Variants in PLEKHD1 observed in about 807,000 individuals in gnomAD.
PLEKHD1 encodes pleckstrin homology domain-containing family D member 1.
PLEKHD1 carries 51 observed loss-of-function variants against 69.2 expected under a neutral mutation model. That is an observed-to-expected ratio of 0.74 (90% CI 0.59 to 0.93). PLEKHD1 has a LOEUF of 0.93. Ranked by LOEUF, PLEKHD1 falls within the 40% of genes least tolerant of loss-of-function variation. The pLI, the probability that PLEKHD1 is intolerant of heterozygous loss-of-function variation, is 0.00. For synonymous variants in PLEKHD1, 236 were observed against 244.7 expected, an observed-to-expected ratio of 0.96 and a Z score of 0.33; for missense variants, 584 against 641.0, an observed-to-expected ratio of 0.91 and a Z score of 0.96.
chr14:69,512,775 T>C (rs572906598), intron 6 of PLEKHD1, among the ~76,000 whole-genome samples: 1 of 152,016 alleles, frequency 6.6e-6, no homozygotes, highest in Non-Finnish European at 1.5e-5. Context: ...TATTTTATAT[T>C]TGTGGTCTGG....
the PLEKHD1 span, among the ~76,000 whole-genome samples, chr14:69,470,487 G>T: frequency 1.3e-5 from 2 of 151,984 alleles, no homozygotes; most frequent in African/African-American, 4.8e-5. Context: ...GGCTGAGTTG[G>T]TATTTGAATC....
intron 1 of PLEKHD1, among the ~76,000 whole-genome samples, chr14:69,497,273 A>T (rs1882909780): frequency 6.6e-6 from 1 of 152,258 alleles, no homozygotes; most frequent in Non-Finnish European, 1.5e-5. Flanking sequence ...CCCCAACCCC[A>T]GCCGGAAAAT....
intron 1 of PLEKHD1, among the ~76,000 whole-genome samples, chr14:69,498,071 ATTTTATTTTAT>A (rs1882930013): frequency 7.1e-6 from 1 of 140,054 alleles, no homozygotes; most frequent in Non-Finnish European, 1.5e-5. Context: ...ATTTTATTTT[ATTTTATTTTAT>A]TTTATTTTAT....
intron 12 of PLEKHD1, 147 bp from the exon 13 acceptor site, chr14:69,528,103 G>A: frequency 1.4e-6 from 2 of 1,405,190 alleles, no homozygotes; most frequent in Non-Finnish European, 9.6e-7. Context: ...GTTTCTCAAA[G>A]GATATGGAAG....
chr14:69,513,244 TAATAA>T (rs149972358), intron 6 of PLEKHD1, among the ~76,000 whole-genome samples: 7,971 of 149,972 alleles, frequency 0.053, 281 homozygotes, highest in South Asian at 0.16. Flanking sequence ...TAAAATAAAA[TAATAA>T]AATAAAATAA....
At chr14:69,516,930 C>T (rs1293757212) in intron 6 of PLEKHD1, among the ~76,000 whole-genome samples, 2 of 152,218 alleles carry the variant, frequency 1.3e-5, no homozygotes, top group Non-Finnish European at 2.9e-5. Flanking sequence ...CTTGGCCTCC[C>T]AAAGGGCTGG....
At chr14:69,478,915 A>G in the PLEKHD1 span, among the ~76,000 whole-genome samples, 82 of 152,228 alleles carry the variant, frequency 5.4e-4, no homozygotes, top group East Asian at 0.014. Flanking sequence ...ACCCTACTCT[A>G]CTGGTACAAA....
the PLEKHD1 span, among the ~76,000 whole-genome samples, chr14:69,468,315 A>G: frequency 6.6e-6 from 1 of 152,366 alleles, no homozygotes; most frequent in Admixed American, 6.5e-5. Context: ...CAGGTATGAA[A>G]AGCAGTTTAC....
At chr14:69,479,777 GACTTAA>G (rs1310342566), upstream of PLEKHD1, among the ~76,000 whole-genome samples, 2 of 152,106 alleles carry the variant, frequency 1.3e-5, no homozygotes, top group Non-Finnish European at 2.9e-5. Context: ...GCAGAGCCTG[GACTTAA>G]ACTTATGTTA....
chr14:69,525,559 T>C (rs55888791), intron 8 of PLEKHD1, among the ~76,000 whole-genome samples: 17,712 of 152,182 alleles, frequency 0.12, 1,184 homozygotes, highest in Non-Finnish European at 0.14. Context: ...CATAGCTCAC[T>C]GCAGCCTCGC....
chr14:69,483,898 T>C (rs190261225), upstream of PLEKHD1, among the ~76,000 whole-genome samples: 493 of 152,194 alleles, frequency 3.2e-3, 3 homozygotes, highest in African/African-American at 0.011. Flanking sequence ...GGCCTGAAAA[T>C]GAGCCGGTCA....
At chr14:69,478,198 G>A in the PLEKHD1 span, among the ~76,000 whole-genome samples, 25 of 152,210 alleles carry the variant, frequency 1.6e-4, no homozygotes, top group African/African-American at 5.5e-4. Context: ...CAAGCTCTAC[G>A]TTGTCCCCTT....
chr14:69,514,971 T>G lies in PLEKHD1; in HGVS notation c.556-7312T>G, dbSNP rs193266901. ...CCAGCACTTTGAAAGGCCAAGGCAG[T>G]TGGATCACCTGAGGTCAGGAGTTCA... On this transcript the variant is annotated intron_variant, in intron 6 of 12. Coordinates refer to ENST00000322564, the MANE Select transcript of PLEKHD1 (RefSeq NM_001161498.2). Among the ~76,000 whole-genome samples, 376 of 152,206 alleles carry G rather than the reference T, an allele frequency of 2.5e-3. 2 individuals are homozygous for G. The highest frequency in any genetic ancestry group is 8.7e-3 in the African/African-American group (361 of 41,530).
chr14:69,498,127 C>A (rs547919174), intron 1 of PLEKHD1, among the ~76,000 whole-genome samples: 87 of 137,714 alleles, frequency 6.3e-4, no homozygotes, highest in African/African-American at 2.1e-3. Context: ...CTCTGTCACT[C>A]AGGTTGGAGT....
chr14:69,515,353 T>C (rs1883361817), intron 6 of PLEKHD1, among the ~76,000 whole-genome samples: 1 of 151,858 alleles, frequency 6.6e-6, no homozygotes, highest in Non-Finnish European at 1.5e-5. Flanking sequence ...CCCCCTGGAG[T>C]TTTAACTCTT....
At chr14:69,496,846 C>T (rs775708458) in intron 1 of PLEKHD1, among the ~76,000 whole-genome samples, 3 of 151,968 alleles carry the variant, frequency 2.0e-5, no homozygotes, top group Non-Finnish European at 4.4e-5. Flanking sequence ...TGTACCCAGC[C>T]AGGAAAGAGA....
chr14:69,525,060 T>G (rs1279205747), intron 8 of PLEKHD1, among the ~76,000 whole-genome samples: 3 of 152,132 alleles, frequency 2.0e-5, no homozygotes, highest in Admixed American at 6.5e-5. Flanking sequence ...AGCTCAAATA[T>G]CTCCTCAGTC....
In PLEKHD1 at chr14:69,490,399, A is replaced by G. The variant is rs576678221; in HGVS notation, c.149+5285A>G. On this transcript the variant is annotated intron_variant, in intron 1 of 12. Transcript: ENST00000322564. ...GACAGGAGGCGGAGCTCAGGCGGTA[A>G]TGCCAGCCACGGGGAGAAGCTGTAA... 2.0e-5 allele frequency among the ~76,000 whole-genome samples: 3 copies of G among 152,340 alleles called. No individual in the cohort carries two copies. In the South Asian group the frequency reaches 6.2e-4, roughly 32 times the overall value.
chr14:69,485,387 C>T (rs1882634329), intron 1 of PLEKHD1, among the ~76,000 whole-genome samples: 1 of 152,194 alleles, frequency 6.6e-6, no homozygotes, highest in African/African-American at 2.4e-5. Flanking sequence ...CAGAAGAGAC[C>T]GTGGTCGGGG....
Sources: gnomAD v4.1 joint callset for allele counts (sites outside exome capture counted in the v4.1 genomes callset) on GRCh38, gnomAD v4.1.1 for gene constraint, MANE v1.5 for transcripts, NCBI Gene and HGNC (gene_info 2026-07-23, HGNC 2026-07-21) for gene names.